PLCL2: variants seen among roughly 807,000 people sequenced by gnomAD.
PLCL2 encodes inactive phospholipase C-like protein 2.
In PLCL2, 4 loss-of-function variants were observed where a neutral mutation model predicts 79.6. That is an observed-to-expected ratio of 0.05 (90% CI 0.02 to 0.11). PLCL2 has a LOEUF of 0.11. Ranked by LOEUF, PLCL2 falls within the 10% of genes least tolerant of loss-of-function variation. PLCL2 has a pLI of 1.00. For missense variants in PLCL2, 895 were observed against 1,291.0 expected (o/e 0.69, Z 4.70); for synonymous variants, 484 against 457.7 (o/e 1.06, Z -0.73).
At chr3:16,952,127 A>G (rs1049921395) in intron 1 of PLCL2, among the ~76,000 whole-genome samples, 6 of 151,928 alleles carry the variant, frequency 3.9e-5, no homozygotes, top group African/African-American at 1.2e-4. Flanking sequence ...GGAGTTGAAC[A>G]ATGAGAACAC....
At chr3:17,041,643 T>C (rs2124919429) in intron 3 of PLCL2, among the ~76,000 whole-genome samples, 1 of 152,294 alleles carries the variant, frequency 6.6e-6, no homozygotes, top group East Asian at 1.9e-4. Context: ...TGATAAATGC[T>C]ATAAAGAAAA....
intron 4 of PLCL2, among the ~76,000 whole-genome samples, chr3:17,045,527 C>T (rs2064771208): frequency 6.6e-6 from 1 of 152,134 alleles, no homozygotes. Flanking sequence ...ACCTATGCAT[C>T]CCAGCAGTGG....
At chr3:17,049,412 A>G (rs2064815816) in intron 4 of PLCL2, among the ~76,000 whole-genome samples, 1 of 152,200 alleles carries the variant, frequency 6.6e-6, no homozygotes, top group South Asian at 2.1e-4. Flanking sequence ...AGATAATATG[A>G]TCTTATGTTT....
chr3:16,995,200 T>A (rs1023971118), intron 1 of PLCL2, among the ~76,000 whole-genome samples: 3 of 152,258 alleles, frequency 2.0e-5, no homozygotes, highest in Non-Finnish European at 4.4e-5. Context: ...ACATCATATG[T>A]CCTTTAGTGT....
At chr3:16,954,823 T>G (rs192605856) in intron 1 of PLCL2, among the ~76,000 whole-genome samples, 9 of 152,352 alleles carry the variant, frequency 5.9e-5, no homozygotes, top group Non-Finnish European at 1.2e-4. Flanking sequence ...CATAAATGTC[T>G]TCTTTTGAGA....
At chr3:17,029,033 G>A (rs539290372) in intron 3 of PLCL2, among the ~76,000 whole-genome samples, 13 of 152,256 alleles carry the variant, frequency 8.5e-5, no homozygotes, top group East Asian at 1.9e-4. Flanking sequence ...CCTCGGGGAA[G>A]GGGGCGCAGA....
chr3:16,912,946 T>C (rs1300096239), intron 1 of PLCL2, among the ~76,000 whole-genome samples: 1 of 152,232 alleles, frequency 6.6e-6, no homozygotes, highest in Non-Finnish European at 1.5e-5. Context: ...CTCCAACACA[T>C]GCTTAGATAA....
chr3:17,087,548 G>A (rs1442823288), intron 5 of PLCL2, among the ~76,000 whole-genome samples: 1 of 152,182 alleles, frequency 6.6e-6, no homozygotes, highest in Non-Finnish European at 1.5e-5. Flanking sequence ...TAGGGTGGTG[G>A]AACTATTCTG....
intron 1 of PLCL2, among the ~76,000 whole-genome samples, chr3:16,903,951 C>T (rs767960526): frequency 1.3e-5 from 2 of 152,138 alleles, no homozygotes; most frequent in Non-Finnish European, 2.9e-5. Flanking sequence ...TGTTAGTTTT[C>T]GTTGATTATG....
intron 1 of PLCL2, among the ~76,000 whole-genome samples, chr3:16,897,963 G>A (rs754473522): frequency 6.6e-6 from 1 of 151,948 alleles, no homozygotes; most frequent in Non-Finnish European, 1.5e-5. Flanking sequence ...ATTAGAGGTT[G>A]TCATTCCCAT....
chr3:17,005,469 T>G (rs1302300954), intron 1 of PLCL2, among the ~76,000 whole-genome samples: 1 of 152,190 alleles, frequency 6.6e-6, no homozygotes, highest in Non-Finnish European at 1.5e-5. Flanking sequence ...CCTCCTATTT[T>G]TAGTGACAGC....
At chr3:17,000,258 T>G (rs1289093049) in intron 1 of PLCL2, among the ~76,000 whole-genome samples, 1 of 152,180 alleles carries the variant, frequency 6.6e-6, no homozygotes, top group Non-Finnish European at 1.5e-5. Context: ...AAACAACTTG[T>G]AGATATAAGT....
chr3:16,912,808 C>T (rs562257398), intron 1 of PLCL2, among the ~76,000 whole-genome samples: 44 of 152,260 alleles, frequency 2.9e-4, no homozygotes, highest in Admixed American at 2.5e-3. Flanking sequence ...CCAACCAAAC[C>T]AGCCAATGGA....
At chr3:16,920,431 A>G (rs1697098955) in intron 1 of PLCL2, among the ~76,000 whole-genome samples, 1 of 152,186 alleles carries the variant, frequency 6.6e-6, no homozygotes, top group Admixed American at 6.5e-5. Context: ...TTTAAAGTTA[A>G]TTTATAAAAG....
chr3:17,046,734 G>T lies in PLCL2; in HGVS notation c.3094+3785G>T, dbSNP rs9810371. 2.3e-3 allele frequency among the ~76,000 whole-genome samples: 345 copies of T among 152,244 alleles called. 2 individuals carry two copies. The highest frequency in any genetic ancestry group is 7.8e-3 in the African/African-American group (323 of 41,552). On this transcript the variant is annotated intron_variant, in intron 4 of 5. Transcript: ENST00000615277. ...GTAACAGCTGAACAAGTGATAATTG[G>T]CTTAGCTGCCCACTCAGGAACCTCA...
intron 1 of PLCL2, among the ~76,000 whole-genome samples, chr3:16,945,231 C>G (rs1403790380): frequency 1.1e-5 from 1 of 93,852 alleles, no homozygotes; most frequent in Non-Finnish European, 1.9e-5. Context: ...ATCACAGACA[C>G]AAACACATAC....
Position 16,885,145 on chromosome 3 carries a change from G to A in PLCL2, c.106G>A (p.Gly36Ser), listed in dbSNP as rs1166753377. The change falls in exon 1 of 6, where the codon GGT becomes AGT. Residue 36 changes from glycine (G) to serine (S), a missense_variant. By Grantham distance (56) the Gly-to-Ser change is moderately conservative. Around this residue, in one of 6 missense-constraint regions of PLCL2, gnomAD observed 110 missense variants for 42.9 expected, o/e 2.56. Coordinates refer to ENST00000615277, the MANE Select transcript of PLCL2 (RefSeq NM_001144382.2). ...CCTGAAAGCCGGAGTGGGGGAAGGC[G>A]GTGGCGGGGGAGGTCGCCTCGGCCA... ...GALKAGVGEGGGGGGRLGHGR... is the reference protein window; with the variant it reads ...GALKAGVGEGSGGGGRLGHGR... The A allele has an allele frequency of 3.9e-6, 2 of 509,678 alleles. No individual in the cohort carries two copies. The highest frequency in any genetic ancestry group is 4.0e-5 in the African/African-American group (2 of 49,864). 31.6% of individuals were successfully genotyped at this position (509,678 alleles called of 1,614,324 possible). A position where few individuals can be genotyped will look rare whatever the true frequency, so the allele number is the denominator to read the frequency against.
At chr3:17,070,579 G>T (rs1277545291) in intron 5 of PLCL2, among the ~76,000 whole-genome samples, 1 of 152,148 alleles carries the variant, frequency 6.6e-6, no homozygotes, top group Non-Finnish European at 1.5e-5. Context: ...AAAGATCTGT[G>T]TGTCATTTCT....
intron 4 of PLCL2, among the ~76,000 whole-genome samples, chr3:17,062,109 A>G (rs937270849): frequency 2.0e-5 from 3 of 152,214 alleles, no homozygotes; most frequent in Admixed American, 2.0e-4. Flanking sequence ...GAACAGAGCA[A>G]CTGAGGCTCA....
Sources: gnomAD v4.1 joint callset for allele counts (sites outside exome capture counted in the v4.1 genomes callset) on GRCh38, gnomAD v4.1.1 for gene constraint, gnomAD v4.1.1 regional missense constraint, MANE v1.5 for transcripts, NCBI Gene and HGNC (gene_info 2026-07-23, HGNC 2026-07-21) for gene names.